Variants in NPAS3 observed in about 807,000 individuals in gnomAD.
NPAS3 encodes the protein neuronal PAS domain protein 3.
A neutral mutation model predicts 73.1 loss-of-function variants in NPAS3; 14 were observed. That is an observed-to-expected ratio of 0.19 (90% confidence interval 0.13 to 0.30). The LOEUF is 0.30. Ranked by LOEUF, NPAS3 falls within the 10% of genes least tolerant of loss-of-function variation. The probability of loss-of-function intolerance (pLI) is 1.00; values close to 1 mark genes in which losing one functional copy is unlikely to be tolerated. For missense variants in NPAS3, 1,096 were observed against 1,250.0 expected (o/e 0.88, Z 1.86); for synonymous variants, 620 against 541.5 (o/e 1.14, Z -2.01).
intron 5 of NPAS3, among the ~76,000 whole-genome samples, chr14:33,604,706 A>G (rs1447900451): frequency 1.3e-5 from 2 of 152,146 alleles, no homozygotes; most frequent in African/African-American, 4.8e-5. Flanking sequence ...ATTCTGAGCC[A>G]TAAAGTACAT....
At chr14:33,204,487 G>C (rs1451620218) in intron 2 of NPAS3, among the ~76,000 whole-genome samples, 1 of 152,104 alleles carries the variant, frequency 6.6e-6, no homozygotes, top group Non-Finnish European at 1.5e-5. Context: ...ACTTGGGACA[G>C]GATCTGAGAG....
chr14:33,481,824 G>A (rs2051339269), intron 4 of NPAS3, among the ~76,000 whole-genome samples: 1 of 152,152 alleles, frequency 6.6e-6, no homozygotes. Context: ...GGGTTGGGAA[G>A]TGAGGGGGAG....
intron 4 of NPAS3, among the ~76,000 whole-genome samples, chr14:33,415,148 C>A (rs892295899): frequency 6.6e-6 from 1 of 152,094 alleles, no homozygotes; most frequent in East Asian, 1.9e-4. Context: ...TATAAAGGAT[C>A]CCAGCTTCCC....
chr14:33,625,424 A>G (rs758460863), intron 5 of NPAS3, among the ~76,000 whole-genome samples: 9 of 152,186 alleles, frequency 5.9e-5, no homozygotes, highest in Non-Finnish European at 2.9e-5. Flanking sequence ...TTTGCTTGTG[A>G]CAAATGGGGA....
At chr14:33,399,367 A>T (rs1272648911) in intron 4 of NPAS3, among the ~76,000 whole-genome samples, 1 of 152,064 alleles carries the variant, frequency 6.6e-6, no homozygotes, top group African/African-American at 2.4e-5. Flanking sequence ...CTTCCGGTAG[A>T]ACAAGGTAAG....
At chr14:33,331,677 T>G (rs1259150238) in intron 3 of NPAS3, among the ~76,000 whole-genome samples, 1 of 152,170 alleles carries the variant, frequency 6.6e-6, no homozygotes, top group East Asian at 1.9e-4. Context: ...TGGAACAATA[T>G]ATAAGCTAAG....
chr14:33,406,537 T>C (rs1369508565), intron 4 of NPAS3, among the ~76,000 whole-genome samples: 2 of 152,040 alleles, frequency 1.3e-5, no homozygotes, highest in Non-Finnish European at 2.9e-5. Context: ...ACAGGAGAAA[T>C]GGGTAATCCT....
At chr14:33,625,765 A>G (rs1248107367) in intron 5 of NPAS3, among the ~76,000 whole-genome samples, 5 of 152,242 alleles carry the variant, frequency 3.3e-5, no homozygotes. Context: ...ATATTAACCC[A>G]TATTGTCTCC....
At chr14:33,651,498 A>G (rs562875950) in intron 5 of NPAS3, among the ~76,000 whole-genome samples, 113 of 152,248 alleles carry the variant, frequency 7.4e-4, no homozygotes, top group African/African-American at 2.7e-3. Context: ...CATTTTAAAT[A>G]AGCACCATCT....
intron 7 of NPAS3, among the ~76,000 whole-genome samples, chr14:33,747,626 T>G (rs1485908612): frequency 1.3e-5 from 2 of 152,232 alleles, no homozygotes; most frequent in Non-Finnish European, 2.9e-5. Context: ...GGCTGCTGCC[T>G]GGGCAGGTGT....
At chr14:32,957,772 C>G (rs2036739014) in intron 1 of NPAS3, among the ~76,000 whole-genome samples, 1 of 152,188 alleles carries the variant, frequency 6.6e-6, no homozygotes, top group African/African-American at 2.4e-5. Flanking sequence ...CAGAGTTACT[C>G]CCTTATCCTT....
At chr14:33,094,652 G>T (rs2042345558) in intron 2 of NPAS3, among the ~76,000 whole-genome samples, 1 of 152,048 alleles carries the variant, frequency 6.6e-6, no homozygotes. Context: ...TTTTCGTAGA[G>T]ATGAGGCTTC....
intron 2 of NPAS3, among the ~76,000 whole-genome samples, chr14:33,209,811 A>T (rs2046964852): frequency 6.6e-6 from 1 of 152,188 alleles, no homozygotes; most frequent in Admixed American, 6.5e-5. Flanking sequence ...AAAACCTGCC[A>T]TGCTCTTTTA....
At chr14:33,560,197 T>A in exon 5 of NPAS3, 2 of 869,660 alleles carry the variant, frequency 2.3e-6, no homozygotes, top group East Asian at 4.8e-5. Context: ...TCCATCTACC[T>A]AGGCCTCTCA....
At chr14:33,466,056 G>A (rs771466985) in intron 4 of NPAS3, among the ~76,000 whole-genome samples, 3 of 152,110 alleles carry the variant, frequency 2.0e-5, no homozygotes, top group South Asian at 2.1e-4. Flanking sequence ...GAGCAAAACC[G>A]CAGTAGCACA....
chr14:33,722,539 G>A (rs1279587420), intron 6 of NPAS3, among the ~76,000 whole-genome samples: 1 of 152,130 alleles, frequency 6.6e-6, no homozygotes, highest in Non-Finnish European at 1.5e-5. Flanking sequence ...GCTGACCAAG[G>A]TTATAATGAT....
At chr14:33,257,714 A>G (rs1387705206) in intron 3 of NPAS3, among the ~76,000 whole-genome samples, 1 of 152,198 alleles carries the variant, frequency 6.6e-6, no homozygotes, top group Non-Finnish European at 1.5e-5. Flanking sequence ...ATTCACCATT[A>G]ACAGGTCACT....
rs1595583244 is a variant in NPAS3, at chr14:33,771,024, G to T, written c.853-3313G>T. 2.0e-5 allele frequency among the ~76,000 whole-genome samples: 3 copies of T among 152,334 alleles called. No individual in the cohort carries two copies. In the South Asian group the frequency reaches 6.2e-4, roughly 32 times the overall value. The stretch of plus-strand genomic sequence containing the variant: ...TTTCAATTGTCTTAGTATCACAGTT[G>T]TGCGGCTATTAAGTGCCAGAGCTAG... On this transcript the variant is annotated intron_variant, in intron 7 of 11. Coordinates refer to ENST00000356141, the Ensembl canonical transcript of NPAS3.
intron 6 of NPAS3, among the ~76,000 whole-genome samples, chr14:33,732,743 G>A (rs1174301443): frequency 3.3e-5 from 5 of 152,132 alleles, no homozygotes; most frequent in Admixed American, 3.3e-4. Context: ...GCTTACACCG[G>A]TTGTCCTGGG....
Sources: allele counts gnomAD v4.1 joint callset (sites outside exome capture counted in the v4.1 genomes callset), GRCh38; gene constraint gnomAD v4.1.1; transcripts MANE v1.5; gene names NCBI Gene and HGNC (gene_info 2026-07-23, HGNC 2026-07-21).